Variants in NBEA observed in about 807,000 individuals in gnomAD.
NBEA encodes the protein neurobeachin, also known as lysosomal-trafficking regulator 2.
In NBEA, 44 loss-of-function variants were observed where a neutral mutation model predicts 343.4. That is an observed-to-expected ratio of 0.13 (90% CI 0.10 to 0.16). The LOEUF is 0.16. Among genes scored for constraint, NBEA ranks in the 10% least tolerant of loss-of-function variants. The pLI is 1.00. For missense variants in NBEA, 2,555 were observed against 3,631.3 expected (o/e 0.70, Z 7.62); for synonymous variants, 1,175 against 1,238.7 (o/e 0.95, Z 1.08).
intron 33 of NBEA, among the ~76,000 whole-genome samples, chr13:35,223,342 T>G (rs2152763231): frequency 6.6e-6 from 1 of 152,304 alleles, no homozygotes; most frequent in African/African-American, 2.4e-5. Context: ...ATGAATTACC[T>G]CCGTTTTTGT....
Position 35,555,115 on chromosome 13 carries a change from A to G in NBEA, c.6922+13A>G, listed in dbSNP as rs760024595. On this transcript the variant is annotated intron_variant, in intron 44 of 58. Transcript: ENST00000379939. ...AATACTATTGCAGGTAAGATGTCTC[A>G]TTCTTTAATCTAATAATATGTTTAT... is the stretch of plus-strand genomic sequence containing the variant. 3 of 1,371,814 alleles carry G rather than the reference A, an allele frequency of 2.2e-6. No individual in the cohort carries two copies. The African/African-American group carries it at 4.3e-5, about 20-fold the overall frequency. The allele number at this position is 1,371,814 out of a possible 1,614,324, so 85.0% of individuals were successfully genotyped here. A position where few individuals can be genotyped will look rare whatever the true frequency, so the allele number is the denominator to read the frequency against.
chr13:35,140,774 G>A (rs756247505), intron 17 of NBEA, among the ~76,000 whole-genome samples: 4 of 152,078 alleles, frequency 2.6e-5, no homozygotes, highest in Non-Finnish European at 5.9e-5. Flanking sequence ...ATTAATTATG[G>A]TAACAGTAGC....
At chr13:35,019,294 T>G (rs1410261295) in intron 1 of NBEA, among the ~76,000 whole-genome samples, 1 of 151,738 alleles carries the variant, frequency 6.6e-6, no homozygotes, top group Non-Finnish European at 1.5e-5. Context: ...TAAATTTTTT[T>G]TTGTTTTTTG....
intron 51 of NBEA, among the ~76,000 whole-genome samples, chr13:35,647,939 G>T (rs1024645611): frequency 2.6e-5 from 4 of 151,986 alleles, no homozygotes; most frequent in African/African-American, 9.7e-5. Context: ...ATAGCGCCAT[G>T]ATCATGGCTC....
chr13:35,563,948 C>T (rs1171432542), intron 44 of NBEA, among the ~76,000 whole-genome samples: 1 of 151,626 alleles, frequency 6.6e-6, no homozygotes, highest in Admixed American at 6.6e-5. Flanking sequence ...AATTACATGT[C>T]ATGGGTGTTT....
intron 18 of NBEA, among the ~76,000 whole-genome samples, chr13:35,154,105 G>A (rs540780453): frequency 2.0e-5 from 3 of 152,186 alleles, no homozygotes; most frequent in Non-Finnish European, 2.9e-5. Context: ...TGAGGGGAAC[G>A]GGGGTAATTA....
intron 41 of NBEA, among the ~76,000 whole-genome samples, chr13:35,522,736 G>A (rs959541680): frequency 6.6e-6 from 1 of 151,984 alleles, no homozygotes; most frequent in Non-Finnish European, 1.5e-5. Context: ...TCATAGGATC[G>A]TGAACCCTAT....
At chr13:35,404,434 T>A (rs1450984006) in intron 38 of NBEA, among the ~76,000 whole-genome samples, 8 of 151,218 alleles carry the variant, frequency 5.3e-5, no homozygotes, top group Non-Finnish European at 1.0e-4. Context: ...TAAAAAAGGA[T>A]GAGTTCATGT....
intron 38 of NBEA, among the ~76,000 whole-genome samples, chr13:35,375,556 GA>G (rs1440806168): frequency 6.6e-6 from 1 of 151,986 alleles, no homozygotes; most frequent in African/African-American, 2.4e-5. Flanking sequence ...CATATTTACA[GA>G]TTTTATTCTT....
intron 31 of NBEA, among the ~76,000 whole-genome samples, chr13:35,199,227 A>G (rs555239623): frequency 6.6e-6 from 1 of 152,282 alleles, no homozygotes; most frequent in Admixed American, 6.5e-5. Flanking sequence ...GTCTTAAGGT[A>G]GCTATAATTA....
chr13:35,647,939 G>A (rs1024645611), intron 51 of NBEA, among the ~76,000 whole-genome samples: 3 of 151,986 alleles, frequency 2.0e-5, no homozygotes, highest in Non-Finnish European at 4.4e-5. Flanking sequence ...ATAGCGCCAT[G>A]ATCATGGCTC....
intron 10 of NBEA, among the ~76,000 whole-genome samples, chr13:35,086,664 G>A (rs1469843420): frequency 2.0e-5 from 3 of 151,892 alleles, no homozygotes; most frequent in Non-Finnish European, 4.4e-5. Context: ...CTTTCCTTTG[G>A]ATAAATACTC....
At chr13:35,387,068 G>A (rs1009402825) in intron 38 of NBEA, among the ~76,000 whole-genome samples, 7 of 152,036 alleles carry the variant, frequency 4.6e-5, no homozygotes, top group Non-Finnish European at 1.0e-4. Flanking sequence ...ATAAGACTAA[G>A]CTCTATCTTA....
At chr13:35,661,449 A>G (rs1046983282) in intron 55 of NBEA, among the ~76,000 whole-genome samples, 1 of 152,234 alleles carries the variant, frequency 6.6e-6, no homozygotes, top group Non-Finnish European at 1.5e-5. Context: ...TCTGTCTTCC[A>G]TTCTTCACTG....
intron 38 of NBEA, among the ~76,000 whole-genome samples, chr13:35,424,923 A>C (rs1421068229): frequency 6.6e-6 from 1 of 152,104 alleles, no homozygotes; most frequent in Non-Finnish European, 1.5e-5. Context: ...TAGATTTTCT[A>C]GTTTATTTGC....
At chr13:35,017,317 G>T (rs1030779217) in intron 1 of NBEA, among the ~76,000 whole-genome samples, 1 of 152,028 alleles carries the variant, frequency 6.6e-6, no homozygotes, top group Non-Finnish European at 1.5e-5. Flanking sequence ...TTTCATTTCC[G>T]TTGGGTACTG....
At chr13:35,459,013 C>CA (rs1555270493) in intron 40 of NBEA, among the ~76,000 whole-genome samples, 12 of 117,874 alleles carry the variant, frequency 1.0e-4, no homozygotes, top group East Asian at 7.5e-4. Context: ...CCGCCCCCCC[C>CA]CCCCCACACA....
intron 8 of NBEA, among the ~76,000 whole-genome samples, chr13:35,066,310 C>A (rs2063651721): frequency 6.6e-6 from 1 of 152,040 alleles, no homozygotes; most frequent in African/African-American, 2.4e-5. Context: ...ATGGTGTGTT[C>A]TAGAGATGTC....
chr13:35,626,709 C>T (rs942461145), intron 48 of NBEA, among the ~76,000 whole-genome samples: 2 of 152,098 alleles, frequency 1.3e-5, no homozygotes, highest in African/African-American at 2.4e-5. Flanking sequence ...AGAGAATTGA[C>T]AAAATCATTT....
Sources: allele counts gnomAD v4.1 joint callset (sites outside exome capture counted in the v4.1 genomes callset), GRCh38; gene constraint gnomAD v4.1.1; transcripts MANE v1.5; gene names NCBI Gene and HGNC (gene_info 2026-07-23, HGNC 2026-07-21).